Variants in LAMA3 observed in about 807,000 individuals in gnomAD.
LAMA3 encodes laminin subunit alpha 3, also known as laminin subunit alpha-3.
In LAMA3, 281 loss-of-function variants were observed where a neutral mutation model predicts 402.0. The ratio of observed to expected loss-of-function variants is 0.70; its 90% confidence interval spans 0.63 to 0.77. The LOEUF is 0.77. Ranked by LOEUF, LAMA3 falls within the 30% of genes least tolerant of loss-of-function variation. LAMA3 has a pLI of 0.00. For missense variants in LAMA3, 3,840 were observed against 4,215.5 expected, an observed-to-expected ratio of 0.91 and a Z score of 2.47; for synonymous variants, 1,431 against 1,558.4, an observed-to-expected ratio of 0.92 and a Z score of 1.93.
rs369555108 is a variant in LAMA3, at chr18:23,838,872, A to G, written c.3185A>G (p.Asn1062Ser). 1.3e-5 allele frequency: 20 copies of G among 1,586,968 alleles called. No individual in the cohort carries two copies. The African/African-American group carries it at 1.3e-4, about 11-fold the overall frequency. ...ATTGCCAGTTATGGGCGATTTGTCA[A>G]TCAAAGGTAATGTGTTTCCTTCCTG... is the stretch of plus-strand genomic sequence containing the variant. The part of the protein sequence containing the change: ...HCIASYGRFV[N>S]QSATCVSLAH... The change falls in exon 26 of 75, where the codon AAT becomes AGT. Residue 1062 changes from asparagine to serine, a missense_variant. Physicochemically the swap from Asn to Ser is conservative, Grantham distance 46. Around this residue, in one of 3 missense-constraint regions of LAMA3, gnomAD observed 2,109 missense variants for 2,376.0 expected, o/e 0.89. Transcript: ENST00000313654.
At chr18:23,906,893 G>T (rs1413919911) in intron 52 of LAMA3, among the ~76,000 whole-genome samples, 3 of 152,112 alleles carry the variant, frequency 2.0e-5, no homozygotes, top group African/African-American at 7.2e-5. Flanking sequence ...TCATCAAGAT[G>T]GTCTTAAAGC....
intron 68 of LAMA3, among the ~76,000 whole-genome samples, chr18:23,943,078 A>C (rs1456447525): frequency 6.6e-6 from 1 of 152,222 alleles, no homozygotes; most frequent in Non-Finnish European, 1.5e-5. Context: ...TTGTTATTCA[A>C]GTTGTCCCCT....
intron 7 of LAMA3, among the ~76,000 whole-genome samples, chr18:23,760,215 A>G (rs945315513): frequency 2.0e-5 from 3 of 152,242 alleles, no homozygotes; most frequent in African/African-American, 7.2e-5. Flanking sequence ...GTTAAAAGTT[A>G]CAAAAATAGT....
chr18:23,914,706 A>G lies in LAMA3; in HGVS notation c.7490A>G (p.Gln2497Arg), dbSNP rs1253510930. The G allele has an allele frequency of 6.2e-7, 1 of 1,612,694 alleles. No individual in the cohort carries two copies. Among genetic ancestry groups the G allele is most frequent in the Admixed American group, 1.7e-5 (1 of 59,944 alleles). ...AAATTCATTTTAAACAGAATTTATC[A>G]GTTTGCAAGGCTTAATTACACCAAA... ...MDRVKFQRIY[Q>R]FARLNYTKGA... is the part of the protein sequence containing the mutation. The change falls in exon 58 of 75, where the codon CAG (glutamine) becomes CGG (arginine). Residue 2497 changes from glutamine (Q) to arginine (R), a missense_variant. Gln to Arg is a conservative substitution (Grantham distance 43). Transcript: ENST00000313654.
intron 12 of LAMA3, among the ~76,000 whole-genome samples, chr18:23,787,514 A>G (rs1255757511): frequency 6.6e-6 from 1 of 152,230 alleles, no homozygotes; most frequent in African/African-American, 2.4e-5. Context: ...CAGACATATT[A>G]TAGTTAAAAT....
At chr18:23,742,070 C>G (rs183606275) in intron 2 of LAMA3, among the ~76,000 whole-genome samples, 101 of 152,256 alleles carry the variant, frequency 6.6e-4, no homozygotes, top group Admixed American at 1.4e-3. Context: ...TGCAGTGAGC[C>G]GAGATCGTGC....
intron 66 of LAMA3, among the ~76,000 whole-genome samples, chr18:23,932,877 TC>T (rs534502096): frequency 6.1e-4 from 93 of 152,292 alleles, no homozygotes; most frequent in African/African-American, 1.9e-3. Flanking sequence ...ACAGGGAGCC[TC>T]CCACCCATCA....
At chr18:23,700,894 C>T (rs774383933) in intron 1 of LAMA3, among the ~76,000 whole-genome samples, 3 of 151,970 alleles carry the variant, frequency 2.0e-5, no homozygotes, top group Non-Finnish European at 2.9e-5. Context: ...GTTGGTGTTT[C>T]GCCATGTTGC....
At chr18:23,872,753 C>T (rs1360924010) in intron 38 of LAMA3, 11 of 446,218 alleles carry the variant, frequency 2.5e-5, no homozygotes, top group Middle Eastern at 6.5e-4. Flanking sequence ...CTACCCAGGG[C>T]GTGTTCCCTG....
chr18:23,919,963 G>A (rs1277760334), intron 60 of LAMA3, among the ~76,000 whole-genome samples: 1 of 152,152 alleles, frequency 6.6e-6, no homozygotes, highest in Non-Finnish European at 1.5e-5. Context: ...GACATAAAGA[G>A]AGAGCTAAGA....
chr18:23,804,179 G>T (rs1033124580), intron 12 of LAMA3, among the ~76,000 whole-genome samples: 1 of 152,142 alleles, frequency 6.6e-6, no homozygotes, highest in Non-Finnish European at 1.5e-5. Context: ...ATATGTAGAC[G>T]GTGGCAGGAC....
rs1300730772 is a variant in LAMA3 at position 23,916,635 on chromosome 18, C to G, written c.7863C>G (p.Thr2621=). The G allele has an allele frequency of 6.2e-7, 1 of 1,614,172 alleles. No individual in the cohort carries two copies. Residue 2621 remains threonine (T), a synonymous_variant, in exon 60 of 75, where the codon ACC becomes ACG. Coordinates refer to ENST00000313654, the MANE Select transcript of LAMA3 (RefSeq NM_198129.4). ...CTCAACCACATGCTCCCATCCCAAC[C>G]TTTGGACAGACAATTCAGACCACCG... ...VPTQPHAPIP[T]FGQTIQTTVD...
chr18:23,872,940 C>A, intron 38 of LAMA3: 1 of 1,460,250 alleles, frequency 6.8e-7, no homozygotes, highest in Non-Finnish European at 9.5e-7. Context: ...CCGCAGACAG[C>A]CTTCCTCACC....
At chr18:23,690,079 G>A in intron 1 of LAMA3, 102 bp downstream of exon 1, 1 of 944,874 alleles carries the variant, frequency 1.1e-6, no homozygotes, top group Non-Finnish European at 1.5e-6. Flanking sequence ...CGCGCTAGTG[G>A]CTCCGGGCGA....
intron 44 of LAMA3, 154 bp from the exon 45 acceptor site, chr18:23,898,584 C>G (rs2080957575): frequency 1.5e-6 from 1 of 652,460 alleles, no homozygotes; most frequent in South Asian, 1.8e-5. Context: ...AAAATAGATT[C>G]CTTATGTAAC....
intron 13 of LAMA3, among the ~76,000 whole-genome samples, chr18:23,810,746 C>T (rs1459458629): frequency 1.3e-5 from 2 of 152,014 alleles, no homozygotes; most frequent in Admixed American, 1.3e-4. Context: ...TGTAAATTTC[C>T]ATGTGCTATA....
At position 23,879,998 on chromosome 18, in the gene LAMA3, T is replaced by C. The variant is rs1677644019; in HGVS notation, c.5113-1938T>C. On this transcript the variant is annotated intron_variant, in intron 39 of 74. Transcript: ENST00000313654. This position sits in a 1 kb window ranked among gnomAD's most constrained non-coding sequence, Gnocchi z 4.2. ...ATATCTATACAGTCATGTTCTACTT[T>C]TAAATTGTCATTTGGATTAAAAGAG... Among the ~76,000 whole-genome samples, 1 of 152,260 alleles carries C rather than the reference T, an allele frequency of 6.6e-6. No homozygotes were observed. Among genetic ancestry groups the C allele is most frequent in the African/African-American group, 2.4e-5 (1 of 41,474 alleles).
chr18:23,940,176 G>GT (rs2082448338), intron 68 of LAMA3, among the ~76,000 whole-genome samples: 2 of 152,224 alleles, frequency 1.3e-5, no homozygotes, highest in African/African-American at 4.8e-5. Context: ...ATGGGGGCAG[G>GT]CAGGGAGAGC....
intron 2 of LAMA3, among the ~76,000 whole-genome samples, chr18:23,739,711 G>GAAAAAC (rs1226175080): frequency 6.6e-6 from 1 of 152,190 alleles, no homozygotes; most frequent in Non-Finnish European, 1.5e-5. Context: ...TGGAGGGTAT[G>GAAAAAC]AACTTACTTA....
Sources: gnomAD v4.1 joint callset for allele counts (sites outside exome capture counted in the v4.1 genomes callset) on GRCh38, gnomAD v4.1.1 for gene constraint, gnomAD v4.1.1 regional missense constraint, Gnocchi (gnomAD v3.1) non-coding constraint, MANE v1.5 for transcripts, NCBI Gene and HGNC (gene_info 2026-07-23, HGNC 2026-07-21) for gene names.